The following SENP6 variants were observed in gnomAD, a reference collection of about 807,000 sequenced individuals.
SENP6 encodes sentrin-specific protease 6.
Under a neutral mutation model 134.5 loss-of-function variants are expected in SENP6, and 41 were observed. The observed-to-expected ratio is 0.30, with a 90% confidence interval of 0.24 to 0.40. The LOEUF is 0.40. Among genes scored for constraint, SENP6 ranks in the 10% least tolerant of loss-of-function variants. The pLI is 1.00. For missense variants in SENP6, 1,248 were observed against 1,312.5 expected, an observed-to-expected ratio of 0.95 and a Z score of 0.76; for synonymous variants, 395 against 429.8, an observed-to-expected ratio of 0.92 and a Z score of 1.00.
intron 6 of SENP6, among the ~76,000 whole-genome samples, chr6:75,643,847 A>G (rs924682109): frequency 4.6e-5 from 7 of 152,250 alleles, no homozygotes; most frequent in Non-Finnish European, 7.3e-5. Flanking sequence ...ATTCATTTTC[A>G]TAGAAATGTA....
intron 18 of SENP6, among the ~76,000 whole-genome samples, chr6:75,699,343 TTTTG>T (rs1396799435): frequency 3.0e-5 from 4 of 133,220 alleles, no homozygotes; most frequent in Non-Finnish European, 6.2e-5. Context: ...GAGAGCTTGT[TTTTG>T]TTTTTGCTTT....
chr6:75,621,739 T>C lies in SENP6; in HGVS notation c.146+114T>C, dbSNP rs549001829. ...AGTATGGTATTCTTAAGAAAACATA[T>C]AACTCTTTCACAGTCGCTTTAAGGA... On this transcript the variant is annotated intron_variant, in intron 2 of 23. Coordinates refer to ENST00000447266, the MANE Select transcript of SENP6 (RefSeq NM_015571.4). The C allele has an allele frequency of 5.2e-4, 318 of 615,124 alleles. 3 individuals carry two copies. The East Asian group carries it at 9.1e-3, about 18-fold the overall frequency. 38.1% of individuals were successfully genotyped at this position (615,124 alleles called of 1,614,324 possible). A position where few individuals can be genotyped will look rare whatever the true frequency, so the allele number is the denominator to read the frequency against.
chr6:75,717,031 G>A lies in SENP6; in HGVS notation c.*1437G>A, dbSNP rs1432409637. On this transcript the variant is annotated 3_prime_UTR_variant, in exon 24 of 24. Transcript: ENST00000447266. ...AAGAGAAATATTAAAATGTAAGAAA[G>A]GTCACCATTAGTGATATCAACTGTA... The A allele has an allele frequency of 1.3e-5, 2 of 151,782 alleles. No individual in the cohort carries two copies. 9.4% of individuals were successfully genotyped at this position (151,782 alleles called of 1,614,324 possible).
intron 1 of SENP6, chr6:75,611,976 T>C (rs1253950686): frequency 2.0e-5 from 3 of 152,228 alleles, no homozygotes; most frequent in African/African-American, 4.8e-5. Flanking sequence ...TCCAGAAATA[T>C]AGTATTTAAA....
intron 19 of SENP6, among the ~76,000 whole-genome samples, chr6:75,709,308 A>ATG (rs1390070177): frequency 6.6e-6 from 1 of 152,170 alleles, no homozygotes; most frequent in Non-Finnish European, 1.5e-5. Flanking sequence ...TTAAATTTTA[A>ATG]TGAATTTTAG....
intron 18 of SENP6, among the ~76,000 whole-genome samples, chr6:75,701,402 C>A (rs1454391116): frequency 6.6e-6 from 1 of 152,152 alleles, no homozygotes; most frequent in Non-Finnish European, 1.5e-5. Flanking sequence ...GAACTCTCTA[C>A]TAATACTTAA....
Position 75,681,419 on chromosome 6 carries a change from A to G in SENP6, c.2075+2492A>G, listed in dbSNP as rs569523387. 5.9e-5 allele frequency among the ~76,000 whole-genome samples: 9 copies of G among 151,864 alleles called. No individual in the cohort carries two copies. The East Asian group carries it at 1.2e-3, about 20-fold the overall frequency. ...GTATAGCCTGTGGATCTGTGAGTCA[A>G]TTAAACCTCTTTTCTTTATAAATTA... On this transcript the variant is annotated intron_variant, in intron 16 of 23. Transcript: ENST00000447266.
At chr6:75,683,868 T>C (rs928399920) in intron 16 of SENP6, among the ~76,000 whole-genome samples, 4 of 152,174 alleles carry the variant, frequency 2.6e-5, no homozygotes, top group Non-Finnish European at 5.9e-5. Flanking sequence ...TAGGATTGTC[T>C]TGGCAATGCG....
At chr6:75,699,804 A>T (rs1356053215) in intron 18 of SENP6, among the ~76,000 whole-genome samples, 1 of 151,734 alleles carries the variant, frequency 6.6e-6, no homozygotes, top group Non-Finnish European at 1.5e-5. Context: ...TTTTTTTCTG[A>T]AGTTTCTAAG....
At chr6:75,705,501 G>A (rs924577013) in intron 19 of SENP6, among the ~76,000 whole-genome samples, 4 of 152,020 alleles carry the variant, frequency 2.6e-5, no homozygotes, top group South Asian at 2.1e-4. Flanking sequence ...CTGGGATCGC[G>A]CAACTGCACT....
chr6:75,644,769 G>C (rs1458377784), intron 6 of SENP6, among the ~76,000 whole-genome samples: 1 of 152,192 alleles, frequency 6.6e-6, no homozygotes, highest in Non-Finnish European at 1.5e-5. Context: ...ACAGGCATGA[G>C]CCACCTTGCC....
intron 1 of SENP6, among the ~76,000 whole-genome samples, chr6:75,604,938 T>A (rs1201113312): frequency 6.6e-6 from 1 of 151,910 alleles, no homozygotes; most frequent in East Asian, 2.0e-4. Flanking sequence ...TCTGGCGTGG[T>A]GGCGCGCGCC....
At chr6:75,639,164 C>G (rs1769834787) in intron 5 of SENP6, among the ~76,000 whole-genome samples, 1 of 152,104 alleles carries the variant, frequency 6.6e-6, no homozygotes, top group African/African-American at 2.4e-5. Flanking sequence ...TTTCATTTTG[C>G]TTTTTCTGGA....
chr6:75,697,640 T>G, intron 18 of SENP6, 123 bp downstream of exon 18: 1 of 673,114 alleles, frequency 1.5e-6, no homozygotes, highest in Non-Finnish European at 2.6e-6. Flanking sequence ...TTGTGTATAT[T>G]CATATTTGTA....
intron 16 of SENP6, among the ~76,000 whole-genome samples, chr6:75,685,538 T>G (rs1562048685): frequency 6.6e-6 from 1 of 152,222 alleles, no homozygotes; most frequent in African/African-American, 2.4e-5. Flanking sequence ...TTAATTTCCC[T>G]CTACGCACTG....
At chr6:75,683,905 TTAAAG>T (rs1773640706) in intron 16 of SENP6, among the ~76,000 whole-genome samples, 2 of 152,214 alleles carry the variant, frequency 1.3e-5, no homozygotes, top group African/African-American at 2.4e-5. Context: ...CATATGAACT[TTAAAG>T]TAGTTTTTTC....
At chr6:75,620,525 A>G (rs1408789799) in intron 1 of SENP6, 1 of 152,138 alleles carries the variant, frequency 6.6e-6, no homozygotes, top group East Asian at 1.9e-4. Context: ...CACCAATCCC[A>G]TTCGTGAGAG....
chr6:75,626,846 T>C (rs1301101986), intron 3 of SENP6, among the ~76,000 whole-genome samples: 3 of 152,234 alleles, frequency 2.0e-5, no homozygotes, highest in Admixed American at 2.0e-4. Flanking sequence ...TTCACATATT[T>C]CCTGTATTTA....
At chr6:75,661,686 C>T (rs774768911) in intron 8 of SENP6, among the ~76,000 whole-genome samples, 1 of 152,148 alleles carries the variant, frequency 6.6e-6, no homozygotes, top group Non-Finnish European at 1.5e-5. Context: ...AATTCCTAGA[C>T]AAGGTTAGTG....
Sources: gnomAD v4.1 joint callset for allele counts (sites outside exome capture counted in the v4.1 genomes callset) on GRCh38, gnomAD v4.1.1 for gene constraint, MANE v1.5 for transcripts, NCBI Gene and HGNC (gene_info 2026-07-23, HGNC 2026-07-21) for gene names.